Variants in IL1RAPL2 observed in about 807,000 individuals in gnomAD.
IL1RAPL2 encodes the protein interleukin 1 receptor accessory protein like 2.
A neutral mutation model predicts 44.1 loss-of-function variants in IL1RAPL2; 3 were observed. That is an observed-to-expected ratio of 0.07 (90% CI 0.03 to 0.18). The LOEUF is 0.18. IL1RAPL2 is among the 10% of genes least tolerant of loss of function. IL1RAPL2 has a pLI of 1.00. For synonymous variants in IL1RAPL2, 181 were observed against 178.8 expected (o/e 1.01, Z -0.10); for missense variants, 391 against 496.4 (o/e 0.79, Z 2.02).
chrX:105,194,491 G>A lies in IL1RAPL2; in HGVS notation c.83-984G>A, dbSNP rs782038605. Among the ~76,000 whole-genome samples the A allele has an allele frequency of 9.0e-5, 10 of 111,605 alleles. No individual in the cohort carries two copies. In the South Asian group the frequency reaches 3.8e-3, roughly 42 times the overall value. ...ATTATATTGACCAGCATATGCGATT[G>A]GCCACAGCATTTCATTTTTAACCGT... On this transcript the variant is annotated intron_variant, in intron 2 of 10. Coordinates refer to ENST00000372582, the MANE Select transcript of IL1RAPL2 (RefSeq NM_017416.2).
At chrX:105,366,166 C>T (rs1169153202) in intron 5 of IL1RAPL2, among the ~76,000 whole-genome samples, 10 of 110,691 alleles carry the variant, frequency 9.0e-5, no homozygotes, top group African/African-American at 2.0e-4. Flanking sequence ...AGGCTGGTCT[C>T]GAACTCCTAA....
At chrX:105,396,802 A>G (rs1332980280) in intron 5 of IL1RAPL2, among the ~76,000 whole-genome samples, 1 of 110,278 alleles carries the variant, frequency 9.1e-6, no homozygotes, top group Non-Finnish European at 1.9e-5. Flanking sequence ...TGAATGCCGT[A>G]GATAGGTCAA....
intron 5 of IL1RAPL2, among the ~76,000 whole-genome samples, chrX:105,357,521 A>G (rs960031683): frequency 9.0e-6 from 1 of 111,295 alleles, no homozygotes; most frequent in African/African-American, 3.3e-5. Flanking sequence ...TTCTTAAAAT[A>G]TTTGGTATAG....
intron 2 of IL1RAPL2, among the ~76,000 whole-genome samples, chrX:104,940,044 T>G (rs998957428): frequency 1.8e-5 from 2 of 111,769 alleles, no homozygotes; most frequent in Non-Finnish European, 3.8e-5. Context: ...TATCTGTGAA[T>G]ATACTAAAAA....
intron 2 of IL1RAPL2, among the ~76,000 whole-genome samples, chrX:104,976,748 A>G (rs1342433196): frequency 2.7e-5 from 3 of 110,143 alleles, no homozygotes; most frequent in Non-Finnish European, 1.9e-5. Context: ...AATGCCAAAA[A>G]CCCCAGAGTA....
chrX:105,741,795 C>G (rs781523225), intron 8 of IL1RAPL2, among the ~76,000 whole-genome samples: 12 of 111,775 alleles, frequency 1.1e-4, no homozygotes, highest in Non-Finnish European at 1.9e-4. Context: ...ACTGACTTGT[C>G]TTATTAGACT....
At chrX:104,677,165 G>C (rs1288057725) in intron 2 of IL1RAPL2, among the ~76,000 whole-genome samples, 2 of 111,915 alleles carry the variant, frequency 1.8e-5, no homozygotes, top group East Asian at 2.8e-4. Flanking sequence ...TGGAGGAGGA[G>C]AGGTGCTCTG....
At chrX:104,746,686 A>G (rs1180769581) in intron 2 of IL1RAPL2, among the ~76,000 whole-genome samples, 1 of 111,108 alleles carries the variant, frequency 9.0e-6, no homozygotes, top group Non-Finnish European at 1.9e-5. Context: ...TAGCAGGACT[A>G]AAAACTAAAA....
intron 3 of IL1RAPL2, chrX:105,220,465 C>T (rs975010598): frequency 4.0e-5 from 38 of 945,779 alleles, no homozygotes; most frequent in Non-Finnish European, 4.9e-5. Context: ...TTCCTTTCCT[C>T]CCCCTTAGCC....
At chrX:105,400,607 C>A (rs2035599964) in intron 5 of IL1RAPL2, among the ~76,000 whole-genome samples, 2 of 111,296 alleles carry the variant, frequency 1.8e-5, no homozygotes, top group African/African-American at 6.5e-5. Context: ...ATACTTTGAT[C>A]CTAATGCTGT....
chrX:105,065,272 A>G (rs1264159378), intron 2 of IL1RAPL2, among the ~76,000 whole-genome samples: 2 of 111,975 alleles, frequency 1.8e-5, no homozygotes, highest in Non-Finnish European at 3.8e-5. Flanking sequence ...TTCTATTTTG[A>G]CATACAATAG....
chrX:104,931,996 A>ATTT (rs34874206), intron 2 of IL1RAPL2, among the ~76,000 whole-genome samples: 1,516 of 84,760 alleles, frequency 0.018, 26 homozygotes, highest in Middle Eastern at 0.031. Flanking sequence ...ATATATATAT[A>ATTT]TTTTTTTTTT....
intron 1 of IL1RAPL2, among the ~76,000 whole-genome samples, chrX:104,602,416 A>G (rs1315235000): frequency 2.7e-5 from 3 of 111,431 alleles, no homozygotes; most frequent in Non-Finnish European, 5.7e-5. Flanking sequence ...GCAGACACCA[A>G]AGTAGCTGCA....
At chrX:104,869,018 G>GT in intron 2 of IL1RAPL2, among the ~76,000 whole-genome samples, 1 of 111,248 alleles carries the variant, frequency 9.0e-6, no homozygotes, top group South Asian at 3.8e-4. Flanking sequence ...ATTCTGCCTT[G>GT]TAAAACACTG....
chrX:105,485,542 C>T (rs1197183954), intron 6 of IL1RAPL2, among the ~76,000 whole-genome samples: 4 of 111,352 alleles, frequency 3.6e-5, no homozygotes, highest in Non-Finnish European at 7.5e-5. Flanking sequence ...CTATTAAATA[C>T]TAGATCTTAC....
At chrX:104,879,044 A>C (rs1017745467) in intron 2 of IL1RAPL2, among the ~76,000 whole-genome samples, 2 of 111,159 alleles carry the variant, frequency 1.8e-5, no homozygotes, top group Non-Finnish European at 3.8e-5. Flanking sequence ...TTTGGTAGGA[A>C]TTATTACAAA....
At chrX:104,948,412 C>T (rs1925458030) in intron 2 of IL1RAPL2, among the ~76,000 whole-genome samples, 1 of 100,032 alleles carries the variant, frequency 1.0e-5, no homozygotes, top group Admixed American at 1.1e-4. Context: ...CCTTTATTTC[C>T]TTCTCCTGCC....
chrX:105,349,351 T>C (rs1165079890), intron 5 of IL1RAPL2, among the ~76,000 whole-genome samples: 1 of 112,268 alleles, frequency 8.9e-6, no homozygotes, highest in African/African-American at 3.2e-5. Flanking sequence ...CCTTGTAAGG[T>C]CTATAGCTGC....
chrX:105,664,338 C>T (rs1197779150), intron 6 of IL1RAPL2, among the ~76,000 whole-genome samples: 1 of 111,806 alleles, frequency 8.9e-6, no homozygotes, highest in African/African-American at 3.3e-5. Context: ...GGATTAAAGG[C>T]AGGAAGAGAT....
Sources: gnomAD v4.1 joint callset for allele counts (sites outside exome capture counted in the v4.1 genomes callset) on GRCh38, gnomAD v4.1.1 for gene constraint, MANE v1.5 for transcripts, NCBI Gene and HGNC (gene_info 2026-07-23, HGNC 2026-07-21) for gene names.